SPG11: variants seen among roughly 807,000 people sequenced by gnomAD.
SPG11 encodes spatacsin.
In SPG11, 222 loss-of-function variants were observed where a neutral mutation model predicts 274.0. That is an observed-to-expected ratio of 0.81 (90% confidence interval 0.73 to 0.91). The LOEUF is 0.91. SPG11 is among the 40% of genes least tolerant of loss of function. The pLI is 0.00. For missense variants in SPG11, 3,114 were observed against 2,872.7 expected, an observed-to-expected ratio of 1.08 and a Z score of -1.92; for synonymous variants, 1,144 against 1,039.7, an observed-to-expected ratio of 1.10 and a Z score of -1.93.
intron 16 of SPG11, among the ~76,000 whole-genome samples, chr15:44,614,765 C>A (rs1426928717): frequency 6.6e-6 from 1 of 152,158 alleles, no homozygotes; most frequent in East Asian, 1.9e-4. Context: ...ATATAAAGTA[C>A]TTAGCTTAGT....
rs771462279 is a variant in SPG11, at chr15:44,659,245, G to T, written c.501C>A (p.Phe167Leu). 4 of 1,613,984 alleles carry T rather than the reference G, an allele frequency of 2.5e-6. No individual in the cohort carries two copies. The highest frequency in any genetic ancestry group is 3.4e-6 in the Non-Finnish European group (4 of 1,179,968). Residue 167 changes from phenylalanine to leucine, a missense_variant, in exon 3 of 40, where the codon TTC becomes TTA. By Grantham distance (22) the Phe-to-Leu change is conservative. Coordinates refer to ENST00000261866, the MANE Select transcript of SPG11 (RefSeq NM_025137.4). The stretch of plus-strand genomic sequence containing the variant: ...TATGTAGGATGACACATTTGTTGAT[G>T]AACAGTAATGATGTGTTATTGTGAA... ...LSFHNNTSLLFINKCVILHII... is the reference protein window; with the variant it reads ...LSFHNNTSLLLINKCVILHII...
intron 7 of SPG11, among the ~76,000 whole-genome samples, chr15:44,645,722 A>G (rs575849198): frequency 1.3e-5 from 2 of 152,220 alleles, no homozygotes; most frequent in Non-Finnish European, 2.9e-5. Context: ...GCATCTGACA[A>G]AGGTCTAATA....
chr15:44,624,006 C>T (rs1395654901), intron 11 of SPG11, among the ~76,000 whole-genome samples: 4 of 152,042 alleles, frequency 2.6e-5, no homozygotes, highest in African/African-American at 7.2e-5. Flanking sequence ...AGTGATCTGC[C>T]CATCTCGGCC....
At chr15:44,655,778 T>C (rs2084922805) in intron 4 of SPG11, among the ~76,000 whole-genome samples, 1 of 152,196 alleles carries the variant, frequency 6.6e-6, no homozygotes, top group African/African-American at 2.4e-5. Context: ...CCCTGAGTTG[T>C]TGAAGGGTCA....
At chr15:44,570,718 C>A in intron 33 of SPG11, 60 bp from the exon 34 acceptor site, 1 of 1,589,014 alleles carries the variant, frequency 6.3e-7, no homozygotes, top group South Asian at 1.1e-5. Context: ...CTGTCAACCT[C>A]TGCCTGGCAG....
chr15:44,567,774 G>A (rs1476771442), intron 35 of SPG11, among the ~76,000 whole-genome samples, 182 bp from the exon 36 acceptor site: 2 of 152,308 alleles, frequency 1.3e-5, no homozygotes, highest in Middle Eastern at 3.4e-3. Flanking sequence ...GTGCTTTCCT[G>A]TTGGAAGTGT....
intron 9 of SPG11, 78 bp downstream of exon 9, chr15:44,629,155 T>G: frequency 6.7e-7 from 1 of 1,501,130 alleles, no homozygotes; most frequent in Non-Finnish European, 9.3e-7. Flanking sequence ...GTTTATGCTG[T>G]GTCACCCAAT....
At position 44,642,954 on chromosome 15, in the gene SPG11, T is replaced by C. The variant is rs9672937; in HGVS notation, c.1602+5912A>G. Among the ~76,000 whole-genome samples, 1,307 of 152,306 alleles carry C rather than the reference T, an allele frequency of 8.6e-3. 21 individuals carry two copies. Among genetic ancestry groups the C allele is most frequent in the African/African-American group, 0.029 (1,216 of 41,568 alleles). On this transcript the variant is annotated intron_variant, in intron 7 of 39. Transcript: ENST00000261866. ...AAGGGAATAGGATCAGGGCAGGGCA[T>C]ACACATTCAAAGATATCCATGATAT...
Position 44,626,322 on chromosome 15 carries a change from A to G in SPG11, c.2244+9T>C. ...TACATTTTAAGACTTTATGGATTAC[A>G]CCACTCACCATATTCTTCAAAAGTT... On this transcript the variant is annotated intron_variant, in intron 11 of 39. Transcript: ENST00000261866. The G allele has an allele frequency of 6.2e-7, 1 of 1,605,946 alleles. No homozygotes were observed.
chr15:44,573,441 G>T (rs2082466361), intron 32 of SPG11, 106 bp downstream of exon 32: 25 of 1,233,912 alleles, frequency 2.0e-5, no homozygotes, highest in Non-Finnish European at 2.9e-5. Context: ...CCAGAAACTT[G>T]AGAGAACCAC....
intron 8 of SPG11, 137 bp downstream of exon 8, chr15:44,633,368 T>TAAAAAAAAA (rs2084136687): frequency 5.9e-6 from 1 of 169,414 alleles, no homozygotes; most frequent in Non-Finnish European, 1.0e-5. Flanking sequence ...AAAAAGAAAG[T>TAAAAAAAAA]TTCCAAAAAG....
Position 44,592,368 on chromosome 15 carries a change from T to G in SPG11, c.4706A>C (p.Glu1569Ala). Reference sequence around the variant, plus strand: ...CTTCTGAAACTCCAGAAGTTTAGCTTCAGCTTCTTTATAATTCCTGAAGAA... The same window carrying G: ...CTTCTGAAACTCCAGAAGTTTAGCTGCAGCTTCTTTATAATTCCTGAAGAA... ...CMFFRNYKEA[E>A]AKLLEFQKSL... The change falls in exon 27 of 40, where the codon GAA (glutamate) becomes GCA (alanine). Residue 1569 changes from glutamate (E) to alanine (A), a missense_variant. Physicochemically the swap from Glu to Ala is moderately radical, Grantham distance 107. Coordinates refer to ENST00000261866, the MANE Select transcript of SPG11 (RefSeq NM_025137.4). The G allele has an allele frequency of 6.2e-7, 1 of 1,612,418 alleles. No homozygotes were observed. Among genetic ancestry groups the G allele is most frequent in the East Asian group, 2.2e-5 (1 of 44,878 alleles).
intron 7 of SPG11, among the ~76,000 whole-genome samples, chr15:44,639,276 TACACACAC>T (rs71111873): frequency 0.018 from 2,473 of 138,356 alleles, 55 homozygotes; most frequent in African/African-American, 0.06. Flanking sequence ...CACAAAGAGA[TACACACAC>T]ACACACACAC....
intron 20 of SPG11, among the ~76,000 whole-genome samples, chr15:44,604,931 C>CAAAAAAAAAAAAAAAAAA (rs908048525): frequency 8.9e-5 from 2 of 22,496 alleles, no homozygotes; most frequent in African/African-American, 1.9e-4. Context: ...ACTCCATCTC[C>CAAAAAAAAAAAAAAAAAA]AAAAAAAAAA....
At chr15:44,603,710 C>T (rs1478015962) in intron 20 of SPG11, among the ~76,000 whole-genome samples, 1 of 152,164 alleles carries the variant, frequency 6.6e-6, no homozygotes, top group African/African-American at 2.4e-5. Context: ...CAGAAGGATG[C>T]TCAAGTCCCT....
rs1283679876 is a variant in SPG11, at chr15:44,585,750, A to G, written c.5007T>C (p.Leu1669=). 1 of 1,614,090 alleles carries G rather than the reference A, an allele frequency of 6.2e-7. No homozygotes were observed. The change falls in exon 29 of 40, where the codon CTT becomes CTC. Residue 1669 remains leucine, a synonymous_variant. Coordinates refer to ENST00000261866, the MANE Select transcript of SPG11 (RefSeq NM_025137.4). ...TIITSYSIEN[L]QHECRSILER... ...CCAAAATAGATCTACATTCATGCTG[A>G]AGATTCTCAATGCTGTAGCTGGTAA...
chr15:44,567,685 A>C, intron 35 of SPG11, 93 bp from the exon 36 acceptor site: 1 of 1,340,440 alleles, frequency 7.5e-7, no homozygotes, highest in East Asian at 2.3e-5. Context: ...ATTCCTTAAA[A>C]ACTCCCAAGA....
chr15:44,617,475 G>C (rs947011344), intron 15 of SPG11, among the ~76,000 whole-genome samples: 16 of 152,152 alleles, frequency 1.1e-4, no homozygotes, highest in Admixed American at 6.5e-4. Flanking sequence ...TTGTCAAAAA[G>C]ATGGTTCTTT....
chr15:44,563,393 CAG>C, intron 39 of SPG11, 92 bp from the exon 40 acceptor site: 1 of 1,199,906 alleles, frequency 8.3e-7, no homozygotes, highest in Non-Finnish European at 1.2e-6. Flanking sequence ...GGCTGGAGTG[CAG>C]AGGAGCAGTC....
Sources: allele counts gnomAD v4.1 joint callset (sites outside exome capture counted in the v4.1 genomes callset), GRCh38; gene constraint gnomAD v4.1.1; transcripts MANE v1.5; gene names NCBI Gene and HGNC (gene_info 2026-07-23, HGNC 2026-07-21).